Variants in ARHGAP44 observed in about 807,000 individuals in gnomAD.
The protein encoded by ARHGAP44 is Rho GTPase activating protein 44, also known as rho GTPase-activating protein 44.
Under a neutral mutation model 106.8 loss-of-function variants are expected in ARHGAP44, and 43 were observed. That is an observed-to-expected ratio of 0.40 (90% CI 0.32 to 0.52). The LOEUF (loss-of-function observed/expected upper bound fraction) is 0.52. Among genes scored for constraint, ARHGAP44 ranks in the 20% least tolerant of loss-of-function variants. The probability of loss-of-function intolerance (pLI) is 0.48; values close to 1 mark genes in which losing one functional copy is unlikely to be tolerated. For synonymous variants in ARHGAP44, 439 were observed against 410.3 expected (o/e 1.07, Z -0.85); for missense variants, 866 against 1,050.5 (o/e 0.82, Z 2.43).
intron 1 of ARHGAP44, among the ~76,000 whole-genome samples, chr17:12,869,083 T>G (rs755808264): frequency 6.6e-6 from 1 of 152,218 alleles, no homozygotes; most frequent in African/African-American, 2.4e-5. Context: ...AAACATCTTA[T>G]TTTTGAGAAG....
intron 19 of ARHGAP44, 92 bp from the exon 20 acceptor site, chr17:12,984,438 GC>G (rs2039906950): frequency 1.4e-6 from 2 of 1,409,976 alleles, no homozygotes; most frequent in Non-Finnish European, 1.9e-6. Context: ...GGTGGGGACA[GC>G]TTTGAACGCT....
At chr17:12,811,445 T>A (rs1274206568) in intron 1 of ARHGAP44, among the ~76,000 whole-genome samples, 1 of 152,050 alleles carries the variant, frequency 6.6e-6, no homozygotes, top group Non-Finnish European at 1.5e-5. Context: ...GAGGATGGGT[T>A]GGTCTTGCTG....
At chr17:12,960,058 G>A (rs760016161) in intron 16 of ARHGAP44, among the ~76,000 whole-genome samples, 1 of 152,186 alleles carries the variant, frequency 6.6e-6, no homozygotes, top group Non-Finnish European at 1.5e-5. Context: ...ACCTAGGCTT[G>A]TTTCCTGGGA....
chr17:12,843,886 AC>A, intron 1 of ARHGAP44, among the ~76,000 whole-genome samples: 1 of 150,880 alleles, frequency 6.6e-6, no homozygotes, highest in East Asian at 2.0e-4. Flanking sequence ...CAATCTCTTG[AC>A]CTCAAGTGAT....
intron 1 of ARHGAP44, among the ~76,000 whole-genome samples, chr17:12,856,205 C>T (rs1369582323): frequency 6.6e-6 from 1 of 152,132 alleles, no homozygotes; most frequent in African/African-American, 2.4e-5. Flanking sequence ...AAGCCACTGG[C>T]CCTTACAGGT....
chr17:12,980,063 C>T lies in ARHGAP44; in HGVS notation c.1769C>T (p.Thr590Ile), dbSNP rs1213200488. 6.2e-7 allele frequency: 1 copy of T among 1,603,170 alleles called. No homozygotes were observed. The highest frequency in any genetic ancestry group is 2.2e-5 in the East Asian group (1 of 44,634). Reference protein sequence around the residue: ...LQPGPERTSTTKSKELSPGSA... With the variant: ...LQPGPERTSTIKSKELSPGSA... ...CTCATGTGCTTTCGTTTCAGCACAACAAAAAGCAAGGAACTTTCTCCAGGC... is the reference window on the plus strand; with the variant it reads ...CTCATGTGCTTTCGTTTCAGCACAATAAAAAGCAAGGAACTTTCTCCAGGC... Residue 590 changes from threonine to isoleucine, a missense_variant, in exon 19 of 21, where the codon ACA (threonine) becomes ATA (isoleucine). By Grantham distance (89) the Thr-to-Ile change is moderately conservative. Around this residue, in one of 2 missense-constraint regions of ARHGAP44, gnomAD observed 418 missense variants for 403.6 expected, o/e 1.04. Coordinates refer to ENST00000379672, the MANE Select transcript of ARHGAP44 (RefSeq NM_014859.6).
intron 1 of ARHGAP44, among the ~76,000 whole-genome samples, chr17:12,868,436 CAAATA>C (rs993414730): frequency 6.6e-6 from 1 of 151,436 alleles, no homozygotes; most frequent in African/African-American, 2.4e-5. Context: ...CTACAGAAAT[CAAATA>C]AAACCAAAAC....
In ARHGAP44 at chr17:12,980,176, GCCAGCC is replaced by G. The variant is rs557213565; in HGVS notation, c.1895_1900del (p.Pro632_Ser633del). On this transcript the variant is annotated inframe_deletion, in exon 19 of 21. Coordinates refer to ENST00000379672, the MANE Select transcript of ARHGAP44 (RefSeq NM_014859.6). ...GGCTCAACCTGGAGCTCAGCCGGGC[GCCAGCC>G]CCAGCCCCAGCCAGCCGCCTGCAGA... The G allele has an allele frequency of 1.2e-6, 2 of 1,612,546 alleles. No individual in the cohort carries two copies. The highest frequency in any genetic ancestry group is 4.5e-5 in the East Asian group (2 of 44,866).
At chr17:12,901,493 C>A (rs560832144) in intron 3 of ARHGAP44, among the ~76,000 whole-genome samples, 1 of 152,052 alleles carries the variant, frequency 6.6e-6, no homozygotes, top group South Asian at 2.1e-4. Context: ...GAGATGGGAA[C>A]AATTTCAGTG....
At chr17:12,918,455 G>A (rs1298045853) in intron 5 of ARHGAP44, among the ~76,000 whole-genome samples, 1 of 151,972 alleles carries the variant, frequency 6.6e-6, no homozygotes, top group Non-Finnish European at 1.5e-5. Flanking sequence ...ACTTTTGCTG[G>A]GCCCGGAACC....
rs1437637568 is a variant in ARHGAP44, at chr17:12,990,745, C to CATCA, written c.*575_*578dup. On this transcript the variant is annotated 3_prime_UTR_variant, in exon 21 of 21. Coordinates refer to ENST00000379672, the MANE Select transcript of ARHGAP44 (RefSeq NM_014859.6). ...ACTGGAAAACCTTTCAGGCCGCCCC[C>CATCA]ATCAGTGGGCTCCAAAGTAAATGGC... The CATCA allele has an allele frequency of 6.6e-6, 1 of 152,396 alleles. No homozygotes were observed. Among genetic ancestry groups the CATCA allele is most frequent in the African/African-American group, 2.4e-5 (1 of 41,470 alleles). 9.4% of individuals were successfully genotyped at this position (152,396 alleles called of 1,614,324 possible). A position where few individuals can be genotyped will look rare whatever the true frequency, so the allele number is the denominator to read the frequency against.
intron 19 of ARHGAP44, among the ~76,000 whole-genome samples, chr17:12,984,117 A>T (rs145748833): frequency 6.6e-6 from 1 of 152,134 alleles, no homozygotes; most frequent in Non-Finnish European, 1.5e-5. Context: ...AGCAAATTGA[A>T]CTGGAGTCAT....
At chr17:12,804,426 G>A (rs1179398844) in intron 1 of ARHGAP44, among the ~76,000 whole-genome samples, 2 of 152,154 alleles carry the variant, frequency 1.3e-5, no homozygotes, top group African/African-American at 4.8e-5. Context: ...GGATAGCCTC[G>A]CCTAAGTCAG....
intron 18 of ARHGAP44, among the ~76,000 whole-genome samples, chr17:12,974,873 G>A (rs1315765507): frequency 7.0e-6 from 1 of 143,746 alleles, no homozygotes; most frequent in Non-Finnish European, 1.5e-5. Context: ...TTTTCGAGAT[G>A]GAGTCTCGGT....
chr17:12,910,698 G>A (rs1372147604), intron 4 of ARHGAP44, among the ~76,000 whole-genome samples: 4 of 151,680 alleles, frequency 2.6e-5, no homozygotes, highest in South Asian at 2.1e-4. Context: ...CACCCTCCTC[G>A]GCCTCCCAAA....
chr17:12,792,070 C>T (rs1000143725), intron 1 of ARHGAP44, among the ~76,000 whole-genome samples: 1 of 152,204 alleles, frequency 6.6e-6, no homozygotes, highest in Admixed American at 6.5e-5. Flanking sequence ...CTCATCTCTT[C>T]ACATTCATGG....
chr17:12,931,841 T>TACACACACACACAC (rs10522083), intron 7 of ARHGAP44, among the ~76,000 whole-genome samples: 112 of 146,404 alleles, frequency 7.7e-4, no homozygotes, highest in African/African-American at 1.9e-3. Flanking sequence ...ACAGTAGGGA[T>TACACACACACACAC]ACACACACAC....
At chr17:12,908,444 G>C (rs971796535) in intron 3 of ARHGAP44, among the ~76,000 whole-genome samples, 1 of 151,992 alleles carries the variant, frequency 6.6e-6, no homozygotes, top group African/African-American at 2.4e-5. Context: ...TGATCCACCC[G>C]CCTCGGCCTC....
intron 1 of ARHGAP44, among the ~76,000 whole-genome samples, chr17:12,811,589 A>G (rs1453526423): frequency 6.6e-6 from 1 of 152,162 alleles, no homozygotes; most frequent in African/African-American, 2.4e-5. Flanking sequence ...TGTGTTGTTC[A>G]AAGGCCAACT....
Sources: gnomAD v4.1 joint callset for allele counts (sites outside exome capture counted in the v4.1 genomes callset) on GRCh38, gnomAD v4.1.1 for gene constraint, gnomAD v4.1.1 regional missense constraint, MANE v1.5 for transcripts, NCBI Gene and HGNC (gene_info 2026-07-23, HGNC 2026-07-21) for gene names.